The following CNTN5 variants were observed in gnomAD, a reference collection of about 807,000 sequenced individuals.
CNTN5 encodes the protein contactin 5.
A neutral mutation model predicts 129.1 loss-of-function variants in CNTN5; 77 were observed. The observed-to-expected ratio is 0.60, with a 90% CI of 0.50 to 0.72. The LOEUF is 0.72. CNTN5 is among the 30% of genes least tolerant of loss of function. The pLI, the probability that CNTN5 is intolerant of heterozygous loss-of-function variation, is 0.00. For missense variants in CNTN5, 1,478 were observed against 1,328.8 expected (o/e 1.11, Z -1.75); for synonymous variants, 509 against 465.6 (o/e 1.09, Z -1.20).
chr11:99,757,426 C>T (rs557283668), intron 3 of CNTN5, among the ~76,000 whole-genome samples: 1 of 152,010 alleles, frequency 6.6e-6, no homozygotes, highest in South Asian at 2.1e-4. Flanking sequence ...AGGACCCATA[C>T]TATAAGTGCC....
intron 15 of CNTN5, among the ~76,000 whole-genome samples, chr11:100,197,027 T>A (rs572547848): frequency 6.6e-6 from 1 of 152,120 alleles, no homozygotes. Context: ...GAGAACTATG[T>A]GCATTCAGCT....
chr11:99,325,037 G>T (rs1057200257), intron 1 of CNTN5, among the ~76,000 whole-genome samples: 1 of 152,034 alleles, frequency 6.6e-6, no homozygotes, highest in African/African-American at 2.4e-5. Flanking sequence ...ATTAAGAAAA[G>T]CTTGGAATGG....
chr11:99,808,737 C>G (rs1025441466), intron 3 of CNTN5, among the ~76,000 whole-genome samples: 1 of 152,076 alleles, frequency 6.6e-6, no homozygotes, highest in Non-Finnish European at 1.5e-5. Flanking sequence ...CGCCAAAGCT[C>G]GATTCAAATT....
Position 99,644,600 on chromosome 11 carries a change from A to G in CNTN5, c.55+88331A>G, listed in dbSNP as rs542561601. On this transcript the variant is annotated intron_variant, in intron 3 of 24. Coordinates refer to ENST00000524871, the MANE Select transcript of CNTN5 (RefSeq NM_014361.4). ...AAATCCTTAAAAATATGTTGTAAAT[A>G]TAAGCGCAAGAAATCAGTCAAAATT... Among the ~76,000 whole-genome samples the G allele has an allele frequency of 3.3e-5, 5 of 152,330 alleles. No homozygotes were observed. The South Asian group carries it at 1.0e-3, about 32-fold the overall frequency.
At chr11:100,020,121 G>A (rs1941049145) in intron 9 of CNTN5, among the ~76,000 whole-genome samples, 1 of 151,862 alleles carries the variant, frequency 6.6e-6, no homozygotes, top group South Asian at 2.1e-4. Flanking sequence ...GTTTTATCAG[G>A]CAGAAGCTTT....
chr11:99,227,081 C>T (rs1005578043), intron 1 of CNTN5, among the ~76,000 whole-genome samples: 3 of 152,060 alleles, frequency 2.0e-5, no homozygotes, highest in African/African-American at 4.8e-5. Context: ...GATAAGGTGG[C>T]CACACGCAGT....
intron 3 of CNTN5, among the ~76,000 whole-genome samples, chr11:99,567,628 C>A (rs1266373459): frequency 6.6e-6 from 1 of 152,016 alleles, no homozygotes; most frequent in African/African-American, 2.4e-5. Context: ...CAGGTGCCTG[C>A]TAATATAAAT....
At chr11:99,679,893 A>T (rs540792755) in intron 3 of CNTN5, among the ~76,000 whole-genome samples, 1 of 152,328 alleles carries the variant, frequency 6.6e-6, no homozygotes, top group African/African-American at 2.4e-5. Context: ...CAGTGAACAT[A>T]CAAATAATAA....
At chr11:99,123,020 C>A (rs891677716) in intron 1 of CNTN5, among the ~76,000 whole-genome samples, 6 of 152,086 alleles carry the variant, frequency 3.9e-5, no homozygotes, top group African/African-American at 1.4e-4. Flanking sequence ...GTGCATGTGT[C>A]TTCATGACAG....
chr11:99,688,609 G>T (rs1167461772), intron 3 of CNTN5, among the ~76,000 whole-genome samples: 20 of 151,832 alleles, frequency 1.3e-4, no homozygotes, highest in African/African-American at 4.8e-4. Flanking sequence ...TTATTATTTT[G>T]TCTTCATCTT....
At chr11:99,888,726 G>C (rs1235352307) in intron 6 of CNTN5, among the ~76,000 whole-genome samples, 1 of 152,106 alleles carries the variant, frequency 6.6e-6, no homozygotes, top group Non-Finnish European at 1.5e-5. Context: ...GATAAAGAAA[G>C]GAAATATTAA....
chr11:99,299,203 G>C (rs1277905352), intron 1 of CNTN5, among the ~76,000 whole-genome samples: 2 of 151,908 alleles, frequency 1.3e-5, no homozygotes, highest in African/African-American at 4.8e-5. Context: ...TACCTTAGAG[G>C]GTACAGATAT....
At chr11:99,593,950 AGT>A (rs1950052349) in intron 3 of CNTN5, among the ~76,000 whole-genome samples, 1 of 152,192 alleles carries the variant, frequency 6.6e-6, no homozygotes, top group South Asian at 2.1e-4. Context: ...AACAGCGTGA[AGT>A]GTGTCCTCTC....
At chr11:99,358,255 A>AT (rs1186386021) in intron 2 of CNTN5, among the ~76,000 whole-genome samples, 8,829 of 46,824 alleles carry the variant, frequency 0.19, 1,656 homozygotes, top group Middle Eastern at 0.34. Flanking sequence ...CGCCCTGCTG[A>AT]TTTTTTTTTT....
At chr11:100,259,606 C>G (rs1441276114) in intron 17 of CNTN5, among the ~76,000 whole-genome samples, 1 of 152,174 alleles carries the variant, frequency 6.6e-6, no homozygotes, top group African/African-American at 2.4e-5. Flanking sequence ...TCTCACACCA[C>G]AGTGCAATCA....
At chr11:99,874,615 G>C (rs1050946949) in intron 6 of CNTN5, among the ~76,000 whole-genome samples, 12 of 152,052 alleles carry the variant, frequency 7.9e-5, no homozygotes, top group Admixed American at 5.9e-4. Context: ...TTGTTAGTTG[G>C]AATACTTTTA....
At chr11:100,082,703 G>T (rs935949551) in intron 13 of CNTN5, among the ~76,000 whole-genome samples, 10 of 152,104 alleles carry the variant, frequency 6.6e-5, no homozygotes, top group African/African-American at 2.2e-4. Flanking sequence ...TTCATTTGAA[G>T]AGAAAATGTC....
intron 13 of CNTN5, among the ~76,000 whole-genome samples, chr11:100,134,641 C>A (rs1232306923): frequency 6.6e-6 from 1 of 152,114 alleles, no homozygotes; most frequent in Admixed American, 6.6e-5. Flanking sequence ...GTGCCTAGTA[C>A]ATTGTACCTA....
chr11:100,117,934 C>A (rs1945892626), intron 13 of CNTN5, among the ~76,000 whole-genome samples: 1 of 151,818 alleles, frequency 6.6e-6, no homozygotes, highest in African/African-American at 2.4e-5. Context: ...GAGAACCTGA[C>A]TTACTCTGTG....
Sources: allele counts gnomAD v4.1 joint callset (sites outside exome capture counted in the v4.1 genomes callset), GRCh38; gene constraint gnomAD v4.1.1; transcripts MANE v1.5; gene names NCBI Gene and HGNC (gene_info 2026-07-23, HGNC 2026-07-21).